The following HHAT variants were observed in gnomAD, a reference collection of about 807,000 sequenced individuals.
HHAT encodes hedgehog acyltransferase.
HHAT carries 47 observed loss-of-function variants against 70.8 expected under a neutral mutation model. That is an observed-to-expected ratio of 0.66 (90% confidence interval 0.53 to 0.85). The LOEUF is 0.85. HHAT is among the 40% of genes least tolerant of loss of function. HHAT has a pLI of 0.00. For synonymous variants in HHAT, 228 were observed against 247.6 expected, an observed-to-expected ratio of 0.92 and a Z score of 0.74; for missense variants, 609 against 604.8, an observed-to-expected ratio of 1.01 and a Z score of -0.07.
chr1:210,648,931 C>T (rs897694594), intron 11 of HHAT, among the ~76,000 whole-genome samples: 2 of 152,156 alleles, frequency 1.3e-5, no homozygotes, highest in Admixed American at 6.5e-5. Context: ...CAAGTGACAC[C>T]AGGATTGAGC....
At chr1:210,481,356 A>G (rs2094393712) in intron 8 of HHAT, among the ~76,000 whole-genome samples, 1 of 152,152 alleles carries the variant, frequency 6.6e-6, no homozygotes, top group East Asian at 1.9e-4. Context: ...ATTCATTCAC[A>G]TTGAACTCAT....
At chr1:210,397,342 T>A (rs918388156) in intron 4 of HHAT, among the ~76,000 whole-genome samples, 5 of 152,218 alleles carry the variant, frequency 3.3e-5, no homozygotes, top group African/African-American at 1.2e-4. Flanking sequence ...TAACAAGTAA[T>A]TCCCAATCAT....
intron 7 of HHAT, among the ~76,000 whole-genome samples, chr1:210,455,153 G>A (rs1486399543): frequency 6.6e-6 from 1 of 152,160 alleles, no homozygotes; most frequent in Non-Finnish European, 1.5e-5. Flanking sequence ...CAGCTGAAAG[G>A]CTTCCCGAGA....
intron 8 of HHAT, among the ~76,000 whole-genome samples, chr1:210,491,333 A>G (rs2094549218): frequency 1.3e-5 from 2 of 152,078 alleles, no homozygotes; most frequent in Non-Finnish European, 2.9e-5. Context: ...CTATCCAGTC[A>G]TTGCTCTGCC....
rs561247325 is a variant in HHAT, at chr1:210,642,442, A to G, written c.1390+18772A>G. ...CTTCAGTAGAAGTGGCCAGTTTTCC[A>G]GTGGGGTTGCACCAATTTATTGTCT... On this transcript the variant is annotated intron_variant, in intron 11 of 11. Transcript: ENST00000261458. 5.3e-5 allele frequency among the ~76,000 whole-genome samples: 8 copies of G among 152,336 alleles called. No individual in the cohort carries two copies. In the South Asian group the frequency reaches 1.5e-3, roughly 28 times the overall value.
At chr1:210,345,566 G>T (rs2086446128) in intron 1 of HHAT, among the ~76,000 whole-genome samples, 1 of 152,152 alleles carries the variant, frequency 6.6e-6, no homozygotes, top group Non-Finnish European at 1.5e-5. Context: ...AAGTGTATGT[G>T]TATAGCTCTT....
intron 8 of HHAT, among the ~76,000 whole-genome samples, chr1:210,472,032 T>C (rs2094214297): frequency 6.6e-6 from 1 of 152,184 alleles, no homozygotes; most frequent in African/African-American, 2.4e-5. Context: ...ATCTAAAATA[T>C]TCACCACCTT....
At chr1:210,327,982 C>G (rs2084687864), upstream of HHAT, among the ~76,000 whole-genome samples, 1 of 152,158 alleles carries the variant, frequency 6.6e-6, no homozygotes, top group Non-Finnish European at 1.5e-5. Flanking sequence ...AGTTCATACT[C>G]TGGTTTCCTG....
intron 5 of HHAT, among the ~76,000 whole-genome samples, chr1:210,403,681 G>A (rs189022303): frequency 9.2e-5 from 14 of 152,206 alleles, no homozygotes; most frequent in South Asian, 8.3e-4. Flanking sequence ...TCTATTTCTC[G>A]TATGTATTTC....
At chr1:210,531,242 GT>G (rs2095311776) in intron 9 of HHAT, among the ~76,000 whole-genome samples, 1 of 151,980 alleles carries the variant, frequency 6.6e-6, no homozygotes, top group South Asian at 2.1e-4. Flanking sequence ...TATGCAGTCT[GT>G]TGTTGACTGA....
chr1:210,550,912 C>T (rs2095522205), intron 9 of HHAT, among the ~76,000 whole-genome samples: 1 of 108,508 alleles, frequency 9.2e-6, no homozygotes, highest in African/African-American at 3.2e-5. Context: ...AAGTGATCCA[C>T]CCACCTTGGC....
chr1:210,591,894 G>A (rs78672758), intron 10 of HHAT, among the ~76,000 whole-genome samples: 2,567 of 151,978 alleles, frequency 0.017, 54 homozygotes, highest in African/African-American at 0.057. Flanking sequence ...TTTTTTCCCC[G>A]TAGAGTTGTT....
intron 10 of HHAT, among the ~76,000 whole-genome samples, chr1:210,616,204 C>T (rs1321729517): frequency 2.0e-5 from 3 of 151,530 alleles, no homozygotes; most frequent in Non-Finnish European, 4.4e-5. Context: ...TTAAAATCTA[C>T]TCTCTTAGTG....
intron 9 of HHAT, among the ~76,000 whole-genome samples, chr1:210,571,623 G>A (rs1656291297): frequency 1.3e-5 from 2 of 152,056 alleles, no homozygotes; most frequent in Middle Eastern, 3.2e-3. Flanking sequence ...AGTACTCTTC[G>A]AGCCGTGAAA....
Position 210,353,175 on chromosome 1 carries a change from A to T in HHAT, c.91+4109A>T, listed in dbSNP as rs549336893. On this transcript the variant is annotated intron_variant, in intron 2 of 11. Transcript: ENST00000261458. The stretch of plus-strand genomic sequence containing the variant: ...GGTCTCGAATTCCTGACCTGGGGTA[A>T]TCCACTCCCCTCAGCCTCTCAAAGT... Among the ~76,000 whole-genome samples, 35 of 152,094 alleles carry T rather than the reference A, an allele frequency of 2.3e-4. No individual in the cohort carries two copies. In the South Asian group the frequency reaches 4.4e-3, roughly 19 times the overall value.
At chr1:210,466,138 C>T (rs992307021) in intron 8 of HHAT, among the ~76,000 whole-genome samples, 2 of 150,368 alleles carry the variant, frequency 1.3e-5, no homozygotes, top group Non-Finnish European at 2.9e-5. Context: ...GAATGAATTG[C>T]AAGGAATCGC....
intron 11 of HHAT, among the ~76,000 whole-genome samples, chr1:210,670,495 T>C (rs977262913): frequency 3.3e-5 from 5 of 152,174 alleles, no homozygotes; most frequent in Admixed American, 6.5e-5. Context: ...CCAGGGAGGA[T>C]GGGTCCATCT....
intron 11 of HHAT, among the ~76,000 whole-genome samples, chr1:210,650,721 G>A (rs1288327927): frequency 2.6e-5 from 4 of 152,134 alleles, no homozygotes; most frequent in Non-Finnish European, 5.9e-5. Context: ...GGATATCCCT[G>A]CATAGCTATT....
Position 210,654,865 on chromosome 1 carries a change from A to G in HHAT, c.1391-19423A>G, listed in dbSNP as rs147026553. ...GTACCAGGGGCACAGGGAGGGTACT[A>G]TCACAGTTCCTTCTTTGGACATCAC... On this transcript the variant is annotated intron_variant, in intron 11 of 11. Coordinates refer to ENST00000261458, the MANE Select transcript of HHAT (RefSeq NM_018194.6). Among the ~76,000 whole-genome samples the G allele has an allele frequency of 3.9e-4, 60 of 152,340 alleles. No individual in the cohort carries two copies. The East Asian group carries it at 0.012, about 29-fold the overall frequency.
Sources: allele counts gnomAD v4.1 joint callset (sites outside exome capture counted in the v4.1 genomes callset), GRCh38; gene constraint gnomAD v4.1.1; transcripts MANE v1.5; gene names NCBI Gene and HGNC (gene_info 2026-07-23, HGNC 2026-07-21).